MYO1D: variants seen among roughly 807,000 people sequenced by gnomAD.
The protein encoded by MYO1D is myosin ID.
In MYO1D, 83 loss-of-function variants were observed where a neutral mutation model predicts 122.0. That is an observed-to-expected ratio of 0.68 (90% CI 0.57 to 0.82). MYO1D has a LOEUF of 0.82. Ranked by LOEUF, MYO1D falls within the 40% of genes least tolerant of loss-of-function variation. MYO1D has a pLI of 0.00. For missense variants in MYO1D, 1,157 were observed against 1,269.5 expected (o/e 0.91, Z 1.35); for synonymous variants, 464 against 446.9 (o/e 1.04, Z -0.48).
chr17:32,776,103 A>G, intron 3 of MYO1D, 74 bp from the exon 4 acceptor site: 1 of 1,323,976 alleles, frequency 7.6e-7, no homozygotes. Context: ...GGATTTTGCT[A>G]AACCACATAC....
intron 4 of MYO1D, among the ~76,000 whole-genome samples, chr17:32,775,153 T>C (rs1419250846): frequency 1.3e-5 from 2 of 151,878 alleles, no homozygotes; most frequent in Non-Finnish European, 2.9e-5. Context: ...AAAAAAAAAA[T>C]TGCTGGGTAT....
intron 21 of MYO1D, among the ~76,000 whole-genome samples, chr17:32,542,818 C>G (rs1363572136): frequency 6.6e-6 from 1 of 152,146 alleles, no homozygotes; most frequent in African/African-American, 2.4e-5. Context: ...AGTGAGTTCC[C>G]TAACCCCAGA....
At chr17:32,738,709 T>C (rs545293992) in intron 13 of MYO1D, among the ~76,000 whole-genome samples, 1 of 152,160 alleles carries the variant, frequency 6.6e-6, no homozygotes, top group Admixed American at 6.5e-5. Context: ...TAAAACAAAT[T>C]CATTTTTGTG....
chr17:32,829,962 A>G (rs2151064963), intron 1 of MYO1D, among the ~76,000 whole-genome samples: 1 of 152,332 alleles, frequency 6.6e-6, no homozygotes, highest in South Asian at 2.1e-4. Context: ...TTTCCAGGTA[A>G]CTGAAGCTTA....
At chr17:32,744,193 T>C (rs2089805333) in intron 13 of MYO1D, among the ~76,000 whole-genome samples, 1 of 152,166 alleles carries the variant, frequency 6.6e-6, no homozygotes, top group Admixed American at 6.5e-5. Flanking sequence ...CTCAAGCTCA[T>C]TCCCACCTTG....
chr17:32,750,007 C>G (rs1374412198), intron 11 of MYO1D, among the ~76,000 whole-genome samples: 2 of 152,168 alleles, frequency 1.3e-5, no homozygotes, highest in Non-Finnish European at 2.9e-5. Flanking sequence ...AGTGGTACCC[C>G]TGGAAAGGAC....
chr17:32,530,260 T>C (rs1257358233), intron 21 of MYO1D, among the ~76,000 whole-genome samples: 1 of 152,196 alleles, frequency 6.6e-6, no homozygotes, highest in East Asian at 1.9e-4. Context: ...TAAAATAGGC[T>C]TAATACATTT....
chr17:32,797,730 G>C (rs2090430234), intron 1 of MYO1D, among the ~76,000 whole-genome samples: 1 of 152,150 alleles, frequency 6.6e-6, no homozygotes, highest in East Asian at 1.9e-4. Flanking sequence ...AGCTATTGTA[G>C]TCGTGACAAG....
At chr17:32,738,050 T>C (rs1290956968) in intron 14 of MYO1D, among the ~76,000 whole-genome samples, 1 of 152,204 alleles carries the variant, frequency 6.6e-6, no homozygotes, top group Non-Finnish European at 1.5e-5. Context: ...TCAAGACAGA[T>C]ACTAATCTAG....
rs762890217 is a variant in MYO1D, at chr17:32,570,532, T to C, written c.2864+34555A>G. Among the ~76,000 whole-genome samples the C allele has an allele frequency of 1.9e-4, 29 of 152,132 alleles. 1 individual carries two copies. Among genetic ancestry groups the C allele is most frequent in the Admixed American group, 3.3e-4 (5 of 15,270 alleles). On this transcript the variant is annotated intron_variant, in intron 21 of 21. Coordinates refer to ENST00000318217, the MANE Select transcript of MYO1D (RefSeq NM_015194.3). ...GCACCCGCCACATTTTTTTGTATTT[T>C]TAGTAGAGACGGGGTTTCACTGTGT...
At position 32,712,188 on chromosome 17, in the gene MYO1D, T is replaced by C. The variant is rs2089386408; in HGVS notation, c.1921A>G (p.Met641Val). Residue 641 changes from methionine (M) to valine (V), a missense_variant, in exon 16 of 22, where the codon ATG becomes GTG. Physicochemically the swap from Met to Val is conservative, Grantham distance 21. Transcript: ENST00000318217. ...TTGGGCCAGGTGAATTCAGAGATCA[T>C]CTTATACCTGGATGAAAAAAAGAAA... ...TYEKFLHRYK[M>V]ISEFTWPNHD... 6.2e-7 allele frequency: 1 copy of C among 1,612,464 alleles called. No homozygotes were observed.
intron 16 of MYO1D, among the ~76,000 whole-genome samples, chr17:32,694,020 A>T (rs2089138734): frequency 6.6e-6 from 1 of 152,148 alleles, no homozygotes; most frequent in Admixed American, 6.6e-5. Context: ...AATCGACCAA[A>T]TTTTTTTCCC....
intron 12 of MYO1D, among the ~76,000 whole-genome samples, chr17:32,748,377 C>T (rs1410008992): frequency 1.3e-5 from 2 of 151,958 alleles, no homozygotes; most frequent in Admixed American, 6.6e-5. Context: ...TTTTCTCTCC[C>T]CTCTTCCTAA....
chr17:32,697,867 T>C (rs1196906185), intron 16 of MYO1D, among the ~76,000 whole-genome samples: 2 of 152,262 alleles, frequency 1.3e-5, no homozygotes, highest in African/African-American at 4.8e-5. Flanking sequence ...CACATCACCT[T>C]TGAGGACATC....
At chr17:32,562,017 G>T (rs1367184688) in intron 21 of MYO1D, among the ~76,000 whole-genome samples, 1 of 151,676 alleles carries the variant, frequency 6.6e-6, no homozygotes, top group Non-Finnish European at 1.5e-5. Flanking sequence ...GGAGACAGGG[G>T]TCTTGCTGTG....
At chr17:32,513,828 T>G (rs1158071688) in intron 21 of MYO1D, among the ~76,000 whole-genome samples, 1 of 151,472 alleles carries the variant, frequency 6.6e-6, no homozygotes, top group Non-Finnish European at 1.5e-5. Flanking sequence ...AAGATTTCTT[T>G]CTTTCTTTTT....
intron 5 of MYO1D, among the ~76,000 whole-genome samples, chr17:32,772,312 C>T (rs570434858): frequency 6.6e-6 from 1 of 152,208 alleles, no homozygotes; most frequent in Admixed American, 6.5e-5. Context: ...AAAGGCAATC[C>T]TCCCTAGAAG....
intron 16 of MYO1D, among the ~76,000 whole-genome samples, chr17:32,682,814 A>G (rs1291878873): frequency 8.4e-6 from 1 of 119,022 alleles, no homozygotes; most frequent in Non-Finnish European, 1.7e-5. Context: ...AGATTGGGGA[A>G]GTTCTCCTGG....
intron 21 of MYO1D, among the ~76,000 whole-genome samples, chr17:32,509,737 C>T (rs557603504): frequency 2.6e-5 from 4 of 152,148 alleles, no homozygotes; most frequent in South Asian, 2.1e-4. Flanking sequence ...TATAGGCGTG[C>T]GCCACCACAC....
Sources: gnomAD v4.1 joint callset for allele counts (sites outside exome capture counted in the v4.1 genomes callset) on GRCh38, gnomAD v4.1.1 for gene constraint, MANE v1.5 for transcripts, NCBI Gene and HGNC (gene_info 2026-07-23, HGNC 2026-07-21) for gene names.